The following ELFN2 variants were observed in gnomAD, a reference collection of about 807,000 sequenced individuals.
ELFN2 encodes extracellular leucine rich repeat and fibronectin type III domain containing 2, also known as protein phosphatase 1 regulatory subunit 29.
A neutral mutation model predicts 45.5 loss-of-function variants in ELFN2; 17 were observed. The ratio of observed to expected loss-of-function variants is 0.37; its 90% confidence interval spans 0.26 to 0.56. The LOEUF is 0.56. ELFN2 is among the 20% of genes least tolerant of loss of function. ELFN2 has a pLI of 0.77. For synonymous variants in ELFN2, 550 were observed against 551.5 expected (o/e 1.00, Z 0.04); for missense variants, 922 against 1,183.2 (o/e 0.78, Z 3.24).
chr22:37,375,214 G>T lies in ELFN2; in HGVS notation c.321C>A (p.Val107=). 1 of 1,614,122 alleles carries T rather than the reference G, an allele frequency of 6.2e-7. No homozygotes were observed. Among genetic ancestry groups the T allele is most frequent in the South Asian group, 1.1e-5 (1 of 91,070 alleles). The change falls in exon 3 of 3, where the codon GTC becomes GTA. Residue 107 remains valine, a synonymous_variant. Coordinates refer to ENST00000402918, the MANE Select transcript of ELFN2 (RefSeq NM_052906.5). ...TGAGCTTGTTGTAGCCCAGCTGCAG[G>T]ACCTGCAGGCTCGACTGGCCCAGGA... ...GAFLGQSSLQ[V]LQLGYNKLSN...
At chr22:37,424,239 G>A (rs2145694911) in intron 1 of ELFN2, among the ~76,000 whole-genome samples, 1 of 152,266 alleles carries the variant, frequency 6.6e-6, no homozygotes, top group South Asian at 2.1e-4. Flanking sequence ...ACCCGCAAGG[G>A]AAGCTGCCAC....
intron 2 of ELFN2, chr22:37,385,311 AG>A (rs1474707978): frequency 1.3e-5 from 2 of 152,278 alleles, no homozygotes; most frequent in Non-Finnish European, 2.9e-5. Context: ...GAGGAAACTG[AG>A]GCCTCACAAC....
chr22:37,414,403 G>A (rs952033391), intron 2 of ELFN2, among the ~76,000 whole-genome samples: 1 of 152,196 alleles, frequency 6.6e-6, no homozygotes, highest in Non-Finnish European at 1.5e-5. Context: ...AGAAGGAACA[G>A]CAAGGTCAAA....
chr22:37,414,713 T>A (rs145278258), intron 2 of ELFN2, among the ~76,000 whole-genome samples: 1 of 152,180 alleles, frequency 6.6e-6, no homozygotes, highest in South Asian at 2.1e-4. Context: ...GACATGAACC[T>A]AAGTCTAGTG....
rs77782521 is a variant in ELFN2, at chr22:37,406,780, C to A, written c.-463+10989G>T. Among the ~76,000 whole-genome samples, 451 of 152,348 alleles carry A rather than the reference C, an allele frequency of 3.0e-3. 5 individuals carry two copies. Among genetic ancestry groups the A allele is most frequent in the African/African-American group, 9.9e-3 (413 of 41,576 alleles). On this transcript the variant is annotated intron_variant, in intron 2 of 2. Transcript: ENST00000402918. ...CCCCTTTCCCCTAAAGCCTGAGAGC[C>A]CAGCAATGGGAGGGTGGTGGTGCAG...
Position 37,404,014 on chromosome 22 carries a change from G to A in ELFN2, c.-463+13755C>T, listed in dbSNP as rs569037540. ...CTGGGGTCCAGGAAGGCTTTGCTGA[G>A]GGTGATTCTGGTGAGGGAACCACGT... On this transcript the variant is annotated intron_variant, in intron 2 of 2. Transcript: ENST00000402918. Among the ~76,000 whole-genome samples the A allele has an allele frequency of 7.4e-4, 112 of 152,374 alleles. 1 individual carries two copies. The highest frequency in any genetic ancestry group is 1.3e-3 in the Non-Finnish European group (90 of 68,036).
intron 2 of ELFN2, among the ~76,000 whole-genome samples, chr22:37,381,233 C>T (rs1021927383): frequency 6.6e-6 from 1 of 152,152 alleles, no homozygotes; most frequent in African/African-American, 2.4e-5. Context: ...AAGACAGAGG[C>T]TCTCTCCTCC....
At position 37,406,806 on chromosome 22, in the gene ELFN2, G is replaced by A. The variant is rs371093454; in HGVS notation, c.-463+10963C>T. Among the ~76,000 whole-genome samples the A allele has an allele frequency of 1.2e-4, 18 of 152,256 alleles. No homozygotes were observed. In the South Asian group the frequency reaches 3.7e-3, roughly 32 times the overall value. On this transcript the variant is annotated intron_variant, in intron 2 of 2. Transcript: ENST00000402918. ...CAGCAATGGGAGGGTGGTGGTGCAGGGGGACAGGGAGGCTTGGGCAGGTGG... is the reference window on the plus strand; with the variant it reads ...CAGCAATGGGAGGGTGGTGGTGCAGAGGGACAGGGAGGCTTGGGCAGGTGG...
At chr22:37,365,673 C>T (rs1396230397), downstream of ELFN2, among the ~76,000 whole-genome samples, 1 of 152,216 alleles carries the variant, frequency 6.6e-6, no homozygotes, top group Non-Finnish European at 1.5e-5. Context: ...TGGGGTGCCC[C>T]TGGCAACTAT....
At chr22:37,395,916 C>T (rs1932203395) in intron 2 of ELFN2, among the ~76,000 whole-genome samples, 1 of 152,164 alleles carries the variant, frequency 6.6e-6, no homozygotes, top group Non-Finnish European at 1.5e-5. Flanking sequence ...ACCACAGACC[C>T]AACAGGAAGC....
chr22:37,382,533 A>T (rs1379484529), intron 2 of ELFN2, among the ~76,000 whole-genome samples: 1 of 138,300 alleles, frequency 7.2e-6, no homozygotes, highest in Non-Finnish European at 1.5e-5. Flanking sequence ...GTGAGCCACC[A>T]CGCTGGCCTT....
At chr22:37,386,112 G>A (rs1235333188) in intron 2 of ELFN2, among the ~76,000 whole-genome samples, 1 of 152,112 alleles carries the variant, frequency 6.6e-6, no homozygotes, top group Non-Finnish European at 1.5e-5. Context: ...GGTCAAGTTT[G>A]GGACTCCTAC....
At chr22:37,418,353 A>T (rs1237760484) in intron 1 of ELFN2, among the ~76,000 whole-genome samples, 1 of 152,060 alleles carries the variant, frequency 6.6e-6, no homozygotes, top group African/African-American at 2.4e-5. Flanking sequence ...CTCAGGGGCC[A>T]GGGAAGAGGC....
At chr22:37,395,811 C>T (rs1181266234) in intron 2 of ELFN2, among the ~76,000 whole-genome samples, 3 of 152,286 alleles carry the variant, frequency 2.0e-5, no homozygotes, top group East Asian at 3.9e-4. Context: ...CAGGGCATCA[C>T]CAAGGGAGGC....
chr22:37,386,355 T>C (rs1320856859), intron 2 of ELFN2, among the ~76,000 whole-genome samples: 1 of 152,112 alleles, frequency 6.6e-6, no homozygotes, highest in African/African-American at 2.4e-5. Context: ...CTGGGACACC[T>C]GCCTGCTACG....
chr22:37,402,624 GT>G (rs34633420), intron 2 of ELFN2, among the ~76,000 whole-genome samples: 73,348 of 151,974 alleles, frequency 0.48, 18,113 homozygotes, highest in African/African-American at 0.57. Context: ...CAAGGTGAGA[GT>G]GCAGCCACCA....
In ELFN2 at chr22:37,378,890, G is replaced by T. The variant is rs1008466636; in HGVS notation, c.-462-2894C>A. Among the ~76,000 whole-genome samples, 4 of 152,226 alleles carry T rather than the reference G, an allele frequency of 2.6e-5. No homozygotes were observed. In the South Asian group the frequency reaches 8.3e-4, roughly 32 times the overall value. On this transcript the variant is annotated intron_variant, in intron 2 of 2. Transcript: ENST00000402918. ...CCAGCTGTTCACGCACTCAAGGTGT[G>T]GGGGGTGGGGGCAGCAGCCTGTCCT...
At chr22:37,356,090 C>T (rs13055716) in intron 1 of ELFN2, among the ~76,000 whole-genome samples, 24 of 152,052 alleles carry the variant, frequency 1.6e-4, no homozygotes, top group African/African-American at 4.8e-4. Context: ...GAGAGTGAGA[C>T]GGGGGTTGGG....
chr22:37,404,298 G>A (rs1277663793), intron 2 of ELFN2, among the ~76,000 whole-genome samples: 2 of 152,148 alleles, frequency 1.3e-5, no homozygotes, highest in African/African-American at 4.8e-5. Context: ...GCAACGAGAC[G>A]GGCCTGGAGG....
Sources: allele counts gnomAD v4.1 joint callset (sites outside exome capture counted in the v4.1 genomes callset), GRCh38; gene constraint gnomAD v4.1.1; transcripts MANE v1.5; gene names NCBI Gene and HGNC (gene_info 2026-07-23, HGNC 2026-07-21).